Variants in SLC8A1 observed in about 807,000 individuals in gnomAD.
SLC8A1 encodes solute carrier family 8 member A1, also known as sodium/calcium exchanger 1.
SLC8A1 carries 18 observed loss-of-function variants against 68.3 expected under a neutral mutation model. That is an observed-to-expected ratio of 0.26 (90% CI 0.18 to 0.39). The LOEUF is 0.39. Among genes scored for constraint, SLC8A1 ranks in the 10% least tolerant of loss-of-function variants. SLC8A1 has a pLI of 1.00. For synonymous variants in SLC8A1, 475 were observed against 415.5 expected (o/e 1.14, Z -1.74); for missense variants, 985 against 1,156.7 (o/e 0.85, Z 2.15).
chr2:40,435,990 G>T (rs1189330885), intron 1 of SLC8A1, among the ~76,000 whole-genome samples: 1 of 144,876 alleles, frequency 6.9e-6, no homozygotes, highest in Non-Finnish European at 1.5e-5. Context: ...GTTTCACCAT[G>T]TTGAACTCCT....
At chr2:40,228,098 G>T (rs114670905) in intron 2 of SLC8A1, among the ~76,000 whole-genome samples, 2,559 of 152,138 alleles carry the variant, frequency 0.017, 82 homozygotes, top group African/African-American at 0.058. Context: ...TTTGTCTTGA[G>T]GACTGCCTTT....
intron 2 of SLC8A1, among the ~76,000 whole-genome samples, chr2:40,284,339 CTATA>C (rs1347660777): frequency 5.1e-5 from 7 of 138,378 alleles, no homozygotes; most frequent in Admixed American, 3.0e-4. Flanking sequence ...ATAGATCTCT[CTATA>C]TAAATATATA....
intron 2 of SLC8A1, among the ~76,000 whole-genome samples, chr2:40,341,767 A>G (rs114835283): frequency 1.5e-3 from 227 of 152,272 alleles, no homozygotes; most frequent in African/African-American, 5.2e-3. Context: ...TATTAGTTAC[A>G]CTGGTTTTTT....
At chr2:40,184,107 T>C (rs990598894) in intron 2 of SLC8A1, among the ~76,000 whole-genome samples, 1 of 152,090 alleles carries the variant, frequency 6.6e-6, no homozygotes, top group African/African-American at 2.4e-5. Flanking sequence ...GCCCAGGAAG[T>C]TGAGGCTGCA....
At chr2:40,181,093 G>A (rs1011817285) in intron 2 of SLC8A1, among the ~76,000 whole-genome samples, 6 of 152,294 alleles carry the variant, frequency 3.9e-5, no homozygotes, top group African/African-American at 9.6e-5. Flanking sequence ...CTGAGTAGCT[G>A]GGATTACAGA....
At chr2:40,350,677 G>C (rs796086136) in intron 2 of SLC8A1, among the ~76,000 whole-genome samples, 8 of 139,942 alleles carry the variant, frequency 5.7e-5, no homozygotes, top group African/African-American at 2.1e-4. Flanking sequence ...CTTAACATTA[G>C]CCTTATATAA....
At chr2:40,399,028 C>T (rs1483704079) in intron 2 of SLC8A1, among the ~76,000 whole-genome samples, 1 of 152,130 alleles carries the variant, frequency 6.6e-6, no homozygotes, top group Admixed American at 6.5e-5. Flanking sequence ...ACAAACAGCC[C>T]AGGGACCCAA....
chr2:40,363,574 C>CA (rs1200276498), intron 2 of SLC8A1, among the ~76,000 whole-genome samples: 2 of 152,022 alleles, frequency 1.3e-5, no homozygotes, highest in African/African-American at 4.8e-5. Flanking sequence ...AGCAGTAACT[C>CA]AAAAAACCGT....
intron 7 of SLC8A1, among the ~76,000 whole-genome samples, chr2:40,137,061 C>G (rs935672130): frequency 6.6e-6 from 1 of 152,302 alleles, no homozygotes. Context: ...GATGTCTCCA[C>G]CTGGCTTCTG....
chr2:40,198,528 G>C (rs945950698), intron 2 of SLC8A1, among the ~76,000 whole-genome samples: 2 of 151,826 alleles, frequency 1.3e-5, no homozygotes, highest in African/African-American at 4.8e-5. Flanking sequence ...AATATTTATT[G>C]ATTTCTTTTT....
intron 2 of SLC8A1, among the ~76,000 whole-genome samples, chr2:40,376,960 A>T (rs1680097575): frequency 6.6e-6 from 1 of 152,090 alleles, no homozygotes; most frequent in Admixed American, 6.6e-5. Context: ...CAGGTATATA[A>T]TTCTCTTCTC....
Position 40,397,225 on chromosome 2 carries a change from T to C in SLC8A1, c.1808+31248A>G, listed in dbSNP as rs542290821. ...CCCTTCCTTTTCTCTCTTTCTGAATTGTATTCCACTGTCAGCTGCTAGTGT... is the reference window on the plus strand; with the variant it reads ...CCCTTCCTTTTCTCTCTTTCTGAATCGTATTCCACTGTCAGCTGCTAGTGT... On this transcript the variant is annotated intron_variant, in intron 2 of 7. Coordinates refer to ENST00000406785, the Ensembl canonical transcript of SLC8A1. Among the ~76,000 whole-genome samples, 7 of 152,308 alleles carry C rather than the reference T, an allele frequency of 4.6e-5. 1 individual carries two copies. The highest frequency in any genetic ancestry group is 1.4e-4 in the African/African-American group (6 of 41,566).
At position 40,250,687 on chromosome 2, in the gene SLC8A1, G is replaced by A. The variant is rs1032784298; in HGVS notation, c.1809-72832C>T. 1.8e-4 allele frequency among the ~76,000 whole-genome samples: 28 copies of A among 152,196 alleles called. 2 individuals are homozygous for A. Among genetic ancestry groups the A allele is most frequent in the Admixed American group, 1.6e-3 (24 of 15,278 alleles). On this transcript the variant is annotated intron_variant, in intron 2 of 7. Transcript: ENST00000406785. ...GAAACTTTCGCCTAACTTTCTCCTA[G>A]CCAAGGATGTGAGTCTCTCAATAAC... is the stretch of plus-strand genomic sequence containing the variant.
chr2:40,262,150 A>G (rs1358635864), intron 2 of SLC8A1, among the ~76,000 whole-genome samples: 1 of 151,972 alleles, frequency 6.6e-6, no homozygotes, highest in African/African-American at 2.4e-5. Context: ...TTTAGTAGAG[A>G]CGGGGTTTCA....
intron 1 of SLC8A1, among the ~76,000 whole-genome samples, chr2:40,445,069 C>G (rs1701194798): frequency 6.6e-6 from 1 of 152,182 alleles, no homozygotes. Context: ...GCTGAGCACC[C>G]ATGTGTCAGA....
intron 2 of SLC8A1, among the ~76,000 whole-genome samples, chr2:40,253,659 C>G (rs2063362896): frequency 1.4e-5 from 2 of 144,936 alleles, no homozygotes; most frequent in Non-Finnish European, 3.0e-5. Context: ...AACCCTATCT[C>G]TACTAAAAAA....
intron 1 of SLC8A1, among the ~76,000 whole-genome samples, chr2:40,475,595 A>T (rs1041192444): frequency 1.3e-5 from 2 of 152,152 alleles, no homozygotes; most frequent in African/African-American, 4.8e-5. Flanking sequence ...ATACATATGT[A>T]CATGACATAT....
intron 2 of SLC8A1, among the ~76,000 whole-genome samples, chr2:40,339,535 T>TG (rs1667046158): frequency 6.6e-6 from 1 of 152,162 alleles, no homozygotes; most frequent in Admixed American, 6.5e-5. Context: ...TACCAGATTG[T>TG]GAAAAGATAG....
chr2:40,250,919 T>G (rs2062641854), intron 2 of SLC8A1: 1 of 152,168 alleles, frequency 6.6e-6, no homozygotes, highest in Admixed American at 6.5e-5. Flanking sequence ...GGGTCAGAAT[T>G]TGATGATTAT....
Sources: gnomAD v4.1 joint callset for allele counts (sites outside exome capture counted in the v4.1 genomes callset) on GRCh38, gnomAD v4.1.1 for gene constraint, MANE v1.5 for transcripts, NCBI Gene and HGNC (gene_info 2026-07-23, HGNC 2026-07-21) for gene names.